The following NUP210L variants were observed in gnomAD, a reference collection of about 807,000 sequenced individuals.
The protein encoded by NUP210L is nuclear pore membrane glycoprotein 210-like.
Under a neutral mutation model 208.5 loss-of-function variants are expected in NUP210L, and 74 were observed. The observed-to-expected ratio is 0.35, with a 90% CI of 0.29 to 0.43. NUP210L has a LOEUF of 0.43. Ranked by LOEUF, NUP210L falls within the 20% of genes least tolerant of loss-of-function variation. The pLI is 1.00. For missense variants in NUP210L, 1,843 were observed against 2,289.4 expected (o/e 0.81, Z 3.98); for synonymous variants, 780 against 816.9 (o/e 0.95, Z 0.77).
intron 10 of NUP210L, among the ~76,000 whole-genome samples, chr1:154,121,516 T>C (rs1378535325): frequency 6.6e-6 from 1 of 152,110 alleles, no homozygotes; most frequent in African/African-American, 2.4e-5. Flanking sequence ...GAAGTGCTTA[T>C]ATTAAAAAAG....
intron 25 of NUP210L, among the ~76,000 whole-genome samples, chr1:154,052,042 C>A (rs1653533879): frequency 6.6e-6 from 1 of 152,162 alleles, no homozygotes; most frequent in Admixed American, 6.5e-5. Context: ...CTACGGGACC[C>A]CCGTATGCAA....
At chr1:153,998,826 C>T (rs1650049326) in intron 37 of NUP210L, among the ~76,000 whole-genome samples, 1 of 150,800 alleles carries the variant, frequency 6.6e-6, no homozygotes, top group Non-Finnish European at 1.5e-5. Context: ...CTTAGGCAGT[C>T]CTCCCACCTC....
chr1:154,141,294 C>T (rs952011932), intron 4 of NUP210L, 137 bp downstream of exon 4: 3 of 636,118 alleles, frequency 4.7e-6, no homozygotes, highest in African/African-American at 3.7e-5. Flanking sequence ...AGACATTTCT[C>T]TCAGTAATTT....
chr1:154,147,271 G>A (rs1659163045), intron 2 of NUP210L, among the ~76,000 whole-genome samples: 1 of 151,918 alleles, frequency 6.6e-6, no homozygotes, highest in South Asian at 2.1e-4. Flanking sequence ...TTTTTTCCCT[G>A]AAAATCATAA....
exon 3 of NUP210L, chr1:154,143,499 A>C (rs1232585884): frequency 6.2e-7 from 1 of 1,614,074 alleles, no homozygotes; most frequent in Admixed American, 1.7e-5. Context: ...ATCTACATAA[A>C]GTTCCCGGGC....
intron 10 of NUP210L, among the ~76,000 whole-genome samples, chr1:154,124,112 A>G (rs2148111124): frequency 6.6e-6 from 1 of 151,008 alleles, no homozygotes; most frequent in South Asian, 2.1e-4. Context: ...ACATGAACAC[A>G]GGAGGCGGAG....
At chr1:154,047,873 C>A (rs1214743642) in intron 25 of NUP210L, among the ~76,000 whole-genome samples, 1 of 152,112 alleles carries the variant, frequency 6.6e-6, no homozygotes, top group Non-Finnish European at 1.5e-5. Context: ...ATACGTGGGG[C>A]TCCAACCTGG....
rs769978233 is a variant in NUP210L at position 154,139,981 on chromosome 1, A to G, written c.567-29T>C. 14 of 1,573,720 alleles carry G rather than the reference A, an allele frequency of 8.9e-6. No individual in the cohort carries two copies. In the East Asian group the frequency reaches 3.1e-4, roughly 35 times the overall value. The stretch of plus-strand genomic sequence containing the variant: ...AAGACATAAAATAAAATGTGTTTCT[A>G]GCAGAATTAAACGAAGGGTTCTTCC... On this transcript the variant is annotated intron_variant, in intron 4 of 39. Coordinates refer to ENST00000368559, the Ensembl canonical transcript of NUP210L.
chr1:154,006,920 A>G (rs1464748578), intron 35 of NUP210L, among the ~76,000 whole-genome samples: 6 of 124,054 alleles, frequency 4.8e-5, no homozygotes, highest in African/African-American at 1.7e-4. Context: ...ACATATACAC[A>G]TATGTCTGTG....
intron 34 of NUP210L, among the ~76,000 whole-genome samples, chr1:154,010,611 C>T (rs1177870531): frequency 2.0e-5 from 3 of 151,876 alleles, no homozygotes; most frequent in African/African-American, 4.8e-5. Context: ...TGGCTCACAC[C>T]TGTAATCCCA....
intron 8 of NUP210L, 136 bp from the exon 9 acceptor site, chr1:154,127,553 C>CTTT (rs10531787): frequency 8.1e-5 from 15 of 184,768 alleles, no homozygotes; most frequent in South Asian, 1.9e-4. Context: ...AAAGTAGGTT[C>CTTT]TTTTTTTTTT....
chr1:154,015,906 CAATAAATAAATA>C (rs71584164), intron 33 of NUP210L, among the ~76,000 whole-genome samples: 1,370 of 133,928 alleles, frequency 0.01, 9 homozygotes, highest in Admixed American at 0.013. Context: ...GACCCTGTCT[CAATAAATAAATA>C]AATAAATAAA....
chr1:154,124,141 C>T (rs1457716737), intron 10 of NUP210L, among the ~76,000 whole-genome samples: 16 of 148,610 alleles, frequency 1.1e-4, no homozygotes, highest in Non-Finnish European at 2.1e-4. Context: ...GAGCTGAGAT[C>T]GCGCCACTGC....
In NUP210L at chr1:154,051,408, G is replaced by A. The variant is rs543168138; in HGVS notation, c.3483+2820C>T. Among the ~76,000 whole-genome samples the A allele has an allele frequency of 2.0e-4, 31 of 152,100 alleles. No homozygotes were observed. The South Asian group carries it at 6.2e-3, about 31-fold the overall frequency. On this transcript the variant is annotated intron_variant, in intron 25 of 39. Transcript: ENST00000368559. ...TATTTTTATTTTTAGTAGAGATGGG[G>A]TTTCACTGTGTTAGCCATGATGGTC...
chr1:154,036,216 G>A (rs1028279351), intron 27 of NUP210L, among the ~76,000 whole-genome samples: 2 of 150,826 alleles, frequency 1.3e-5, no homozygotes, highest in African/African-American at 4.9e-5. Context: ...CTAATTTCTA[G>A]TTTTATTCCA....
At chr1:154,096,289 A>G (rs1458751126) in intron 14 of NUP210L, among the ~76,000 whole-genome samples, 1 of 152,188 alleles carries the variant, frequency 6.6e-6, no homozygotes, top group Non-Finnish European at 1.5e-5. Flanking sequence ...AGTACTATTA[A>G]AACTGAAAAT....
chr1:154,078,120 C>T (rs2148025357), intron 16 of NUP210L, among the ~76,000 whole-genome samples: 1 of 149,272 alleles, frequency 6.7e-6, no homozygotes, highest in African/African-American at 2.5e-5. Context: ...GCCTGGGCAA[C>T]ACAGCGAGAC....
At chr1:154,118,546 C>G (rs1657449338) in intron 11 of NUP210L, 125 bp downstream of exon 11, 4 of 690,340 alleles carry the variant, frequency 5.8e-6, no homozygotes, top group Non-Finnish European at 8.8e-6. Flanking sequence ...TTTTGGTTGT[C>G]ACCAAAACCC....
intron 22 of NUP210L, among the ~76,000 whole-genome samples, chr1:154,057,167 C>T (rs1413362588): frequency 3.3e-5 from 5 of 151,948 alleles, no homozygotes; most frequent in Admixed American, 6.6e-5. Flanking sequence ...TTTGTAGAGC[C>T]GGGGTCTCAC....
Sources: allele counts gnomAD v4.1 joint callset (sites outside exome capture counted in the v4.1 genomes callset), GRCh38; gene constraint gnomAD v4.1.1; transcripts MANE v1.5; gene names NCBI Gene and HGNC (gene_info 2026-07-23, HGNC 2026-07-21).